The following ROR1 variants were observed in gnomAD, a reference collection of about 807,000 sequenced individuals.
The protein encoded by ROR1 is inactive tyrosine-protein kinase transmembrane receptor ROR1.
ROR1 carries 19 observed loss-of-function variants against 78.8 expected under a neutral mutation model. The observed-to-expected ratio is 0.24, with a 90% CI of 0.17 to 0.35. The LOEUF (loss-of-function observed/expected upper bound fraction) is 0.35. Among genes scored for constraint, ROR1 ranks in the 10% least tolerant of loss-of-function variants. ROR1 has a pLI of 1.00. For synonymous variants in ROR1, 386 were observed against 433.6 expected (o/e 0.89, Z 1.36); for missense variants, 917 against 1,177.8 (o/e 0.78, Z 3.24).
chr1:63,919,843 C>T (rs562880594), intron 1 of ROR1, among the ~76,000 whole-genome samples: 3 of 152,242 alleles, frequency 2.0e-5, no homozygotes, highest in Admixed American at 6.5e-5. Context: ...CTTAAAGCTT[C>T]GTCTCAGAAT....
chr1:63,906,758 T>C (rs768935321), intron 1 of ROR1, among the ~76,000 whole-genome samples: 2 of 152,242 alleles, frequency 1.3e-5, no homozygotes, highest in Non-Finnish European at 2.9e-5. Flanking sequence ...GCTTTAGTTT[T>C]ATTTTAAGTT....
Position 63,992,462 on chromosome 1 carries a change from T to C in ROR1, c.92-16843T>C, listed in dbSNP as rs188764574. The stretch of plus-strand genomic sequence containing the variant: ...ACCTCATGATCCACCCGCCTTGGCC[T>C]CTCAAAGTGCTGGGATTACAGGCGT... On this transcript the variant is annotated intron_variant, in intron 1 of 8. Transcript: ENST00000371079. Among the ~76,000 whole-genome samples, 252 of 152,278 alleles carry C rather than the reference T, an allele frequency of 1.7e-3. 1 individual carries two copies. The highest frequency in any genetic ancestry group is 5.7e-3 in the African/African-American group (236 of 41,568).
intron 1 of ROR1, among the ~76,000 whole-genome samples, chr1:63,881,087 A>G (rs899785477): frequency 6.6e-6 from 1 of 152,200 alleles, no homozygotes; most frequent in Non-Finnish European, 1.5e-5. Context: ...AAGAATGGCT[A>G]ATTACTAAAT....
At chr1:63,955,065 G>A (rs1475315283) in intron 1 of ROR1, among the ~76,000 whole-genome samples, 3 of 152,116 alleles carry the variant, frequency 2.0e-5, no homozygotes, top group Non-Finnish European at 1.5e-5. Context: ...ATATTGGGTG[G>A]TGACAAGCAA....
At chr1:63,900,210 T>A (rs1224897656) in intron 1 of ROR1, among the ~76,000 whole-genome samples, 1 of 152,162 alleles carries the variant, frequency 6.6e-6, no homozygotes, top group African/African-American at 2.4e-5. Context: ...TCCCAGCACC[T>A]TGGGAGGCCA....
chr1:63,964,999 C>G (rs1257824508), intron 1 of ROR1, among the ~76,000 whole-genome samples: 6 of 152,136 alleles, frequency 3.9e-5, no homozygotes, highest in African/African-American at 1.4e-4. Flanking sequence ...TCCTTATGGC[C>G]TTATCTCTCA....
At chr1:64,050,545 A>G (rs1391463616) in intron 3 of ROR1, 141 bp from the exon 4 acceptor site, 2 of 809,404 alleles carry the variant, frequency 2.5e-6, no homozygotes, top group East Asian at 2.5e-5. Flanking sequence ...GGGGGAATAG[A>G]GCAAAACAAT....
intron 1 of ROR1, among the ~76,000 whole-genome samples, chr1:63,786,976 T>C (rs1644692172): frequency 6.6e-6 from 1 of 152,192 alleles, no homozygotes; most frequent in African/African-American, 2.4e-5. Flanking sequence ...ACTGTTTTTG[T>C]TAGGGAGGCA....
At chr1:64,108,933 T>A (rs544985842) in intron 4 of ROR1, among the ~76,000 whole-genome samples, 1 of 152,118 alleles carries the variant, frequency 6.6e-6, no homozygotes, top group East Asian at 1.9e-4. Flanking sequence ...AATCCAAATC[T>A]CCAGAAAACC....
At chr1:63,988,450 C>A (rs189095940) in intron 1 of ROR1, among the ~76,000 whole-genome samples, 1 of 152,174 alleles carries the variant, frequency 6.6e-6, no homozygotes, top group African/African-American at 2.4e-5. Flanking sequence ...GGGCAACTCA[C>A]TCCTTTTTCA....
chr1:63,798,284 G>T (rs368031249), intron 1 of ROR1, among the ~76,000 whole-genome samples: 1 of 152,144 alleles, frequency 6.6e-6, no homozygotes, highest in South Asian at 2.1e-4. Flanking sequence ...CAGGGAAATT[G>T]GAATTCTTGA....
chr1:63,931,729 A>T (rs1431690668), intron 1 of ROR1, among the ~76,000 whole-genome samples: 1 of 152,160 alleles, frequency 6.6e-6, no homozygotes, highest in African/African-American at 2.4e-5. Context: ...AGATCCTCAC[A>T]GTGTATACTC....
chr1:63,964,456 C>T (rs1029474315), intron 1 of ROR1, among the ~76,000 whole-genome samples: 1 of 152,076 alleles, frequency 6.6e-6, no homozygotes, highest in Non-Finnish European at 1.5e-5. Flanking sequence ...TTCAACTTAC[C>T]CATTCCACCA....
chr1:63,798,505 G>A (rs140871760), intron 1 of ROR1, among the ~76,000 whole-genome samples: 2,503 of 152,242 alleles, frequency 0.016, 37 homozygotes, highest in Admixed American at 0.029. Context: ...GAGCCAGGCA[G>A]CATGCAGTCC....
intron 4 of ROR1, among the ~76,000 whole-genome samples, chr1:64,102,020 C>T (rs1391094754): frequency 1.3e-5 from 2 of 152,022 alleles, no homozygotes; most frequent in South Asian, 4.2e-4. Context: ...AGAGCTGGTC[C>T]CCATTAATAA....
intron 4 of ROR1, among the ~76,000 whole-genome samples, chr1:64,123,833 C>T (rs1648625300): frequency 6.6e-6 from 1 of 152,058 alleles, no homozygotes; most frequent in Non-Finnish European, 1.5e-5. Flanking sequence ...TGTAAAAACC[C>T]TGAAAATGTG....
At chr1:63,983,065 A>G (rs1173362589) in intron 1 of ROR1, among the ~76,000 whole-genome samples, 1 of 152,214 alleles carries the variant, frequency 6.6e-6, no homozygotes, top group Non-Finnish European at 1.5e-5. Context: ...TTTGCAAACA[A>G]CATAAGAATA....
intron 7 of ROR1, among the ~76,000 whole-genome samples, chr1:64,150,376 G>T (rs1649587286): frequency 6.6e-6 from 1 of 152,162 alleles, no homozygotes. Context: ...CCAGTTTTGT[G>T]CCTGAATAGC....
chr1:64,010,859 G>A (rs943936462), intron 2 of ROR1, among the ~76,000 whole-genome samples: 1 of 152,120 alleles, frequency 6.6e-6, no homozygotes, highest in East Asian at 1.9e-4. Context: ...CTGTGAAGAG[G>A]TGCCTTCTGT....
Sources: allele counts gnomAD v4.1 joint callset (sites outside exome capture counted in the v4.1 genomes callset), GRCh38; gene constraint gnomAD v4.1.1; transcripts MANE v1.5; gene names NCBI Gene and HGNC (gene_info 2026-07-23, HGNC 2026-07-21).